PTCHD4: variants seen among roughly 807,000 people sequenced by gnomAD.
PTCHD4 encodes patched domain-containing protein 4.
Under a neutral mutation model 58.1 loss-of-function variants are expected in PTCHD4, and 33 were observed. The ratio of observed to expected loss-of-function variants is 0.57; its 90% CI spans 0.43 to 0.76. The LOEUF (loss-of-function observed/expected upper bound fraction) is 0.76. Ranked by LOEUF, PTCHD4 falls within the 30% of genes least tolerant of loss-of-function variation. PTCHD4 has a pLI of 0.00. For synonymous variants in PTCHD4, 478 were observed against 409.6 expected (o/e 1.17, Z -2.02); for missense variants, 1,058 against 1,027.1 (o/e 1.03, Z -0.41).
rs1763871288 is a variant in PTCHD4 at position 47,877,231 on chromosome 6, T to A, written c.*1072A>T. On this transcript the variant is annotated 3_prime_UTR_variant, in exon 5 of 5. Coordinates refer to ENST00000339488, the MANE Select transcript of PTCHD4 (RefSeq NM_001384253.1). ...TTTCTCCTATGTTAATTATCTATAT[T>A]CCATGACAGTTATTTTCCCTATCTA... is the stretch of plus-strand genomic sequence containing the variant. Among the ~76,000 whole-genome samples the A allele has an allele frequency of 6.6e-6, 1 of 152,000 alleles. No individual in the cohort carries two copies. Among genetic ancestry groups the A allele is most frequent in the South Asian group, 2.1e-4 (1 of 4,828 alleles).
intron 4 of PTCHD4, among the ~76,000 whole-genome samples, chr6:47,960,907 G>A (rs1049306617): frequency 1.4e-5 from 2 of 148,082 alleles, no homozygotes; most frequent in Non-Finnish European, 3.0e-5. Flanking sequence ...TCAGCAGGGT[G>A]ATAGATGACT....
chr6:48,016,126 G>A (rs967761616), intron 3 of PTCHD4, among the ~76,000 whole-genome samples: 3 of 151,880 alleles, frequency 2.0e-5, no homozygotes, highest in Non-Finnish European at 4.4e-5. Context: ...CCAAGCATGT[G>A]CAGGAAGCTA....
At chr6:48,059,883 C>T (rs922329819) in intron 3 of PTCHD4, among the ~76,000 whole-genome samples, 2 of 152,150 alleles carry the variant, frequency 1.3e-5, no homozygotes, top group African/African-American at 2.4e-5. Context: ...TAACCCACCC[C>T]TGTGTGTTAA....
At chr6:48,060,846 C>T (rs934242380) in intron 3 of PTCHD4, among the ~76,000 whole-genome samples, 7 of 152,148 alleles carry the variant, frequency 4.6e-5, no homozygotes, top group Admixed American at 1.3e-4. Context: ...AGGGGAGCTC[C>T]AGAAGAGAAC....
At chr6:47,960,964 A>T (rs1039210828) in intron 4 of PTCHD4, among the ~76,000 whole-genome samples, 101 of 142,978 alleles carry the variant, frequency 7.1e-4, no homozygotes, top group African/African-American at 2.4e-3. Context: ...TTTTTTTTTA[A>T]AAAAAAAAAA....
intron 1 of PTCHD4, among the ~76,000 whole-genome samples, chr6:48,098,654 T>C (rs1765529691): frequency 6.6e-6 from 1 of 152,132 alleles, no homozygotes; most frequent in Non-Finnish European, 1.5e-5. Context: ...TTCATGATTA[T>C]GAAATTGATG....
intron 4 of PTCHD4, among the ~76,000 whole-genome samples, chr6:47,905,954 C>T (rs1462392855): frequency 1.3e-5 from 2 of 152,226 alleles, no homozygotes; most frequent in African/African-American, 4.8e-5. Context: ...GACTCTATTG[C>T]TTGTTGCTTG....
intron 4 of PTCHD4, among the ~76,000 whole-genome samples, chr6:48,005,191 G>A (rs1239879583): frequency 6.6e-6 from 1 of 152,182 alleles, no homozygotes; most frequent in African/African-American, 2.4e-5. Context: ...AGGAGATGCA[G>A]TACAGAGGCA....
At chr6:47,882,535 T>C (rs1172213461) in intron 4 of PTCHD4, among the ~76,000 whole-genome samples, 1 of 151,898 alleles carries the variant, frequency 6.6e-6, no homozygotes, top group African/African-American at 2.4e-5. Context: ...AGTTCAAATG[T>C]ATTGCCTGCT....
Position 47,951,286 on chromosome 6 carries a change from A to C in PTCHD4, c.898+57348T>G, listed in dbSNP as rs527403642. Among the ~76,000 whole-genome samples, 7 of 152,214 alleles carry C rather than the reference A, an allele frequency of 4.6e-5. No homozygotes were observed. In the South Asian group the frequency reaches 1.5e-3, roughly 32 times the overall value. On this transcript the variant is annotated intron_variant, in intron 4 of 4. Transcript: ENST00000339488. ...GGTTAGTATATAGGGAGACTTTATCACTCCTAGCCCAAAGGGGCATTGGGA... is the reference window on the plus strand; with the variant it reads ...GGTTAGTATATAGGGAGACTTTATCCCTCCTAGCCCAAAGGGGCATTGGGA...
At chr6:47,910,932 G>C (rs1436784901) in intron 4 of PTCHD4, among the ~76,000 whole-genome samples, 1 of 152,094 alleles carries the variant, frequency 6.6e-6, no homozygotes, top group Non-Finnish European at 1.5e-5. Flanking sequence ...ACATACAGGA[G>C]AGAACAAAAT....
chr6:48,064,325 T>C (rs967163646), intron 3 of PTCHD4, among the ~76,000 whole-genome samples: 1 of 152,122 alleles, frequency 6.6e-6, no homozygotes, highest in Non-Finnish European at 1.5e-5. Context: ...AGTGAGGTTA[T>C]GTTGGCCTAC....
chr6:47,974,632 T>A (rs2113995616), intron 4 of PTCHD4, among the ~76,000 whole-genome samples: 1 of 152,334 alleles, frequency 6.6e-6, no homozygotes, highest in African/African-American at 2.4e-5. Flanking sequence ...CAGGCATTGC[T>A]AAATATCCCC....
intron 3 of PTCHD4, among the ~76,000 whole-genome samples, chr6:48,052,246 G>C (rs887941657): frequency 2.0e-5 from 3 of 151,958 alleles, no homozygotes; most frequent in Admixed American, 2.0e-4. Flanking sequence ...AAAAAGGGTA[G>C]GAGGTTGAGA....
chr6:47,867,688 A>G lies in PTCHD4; in HGVS notation c.*10615T>C, dbSNP rs1763607079. Among the ~76,000 whole-genome samples the G allele has an allele frequency of 6.6e-6, 1 of 151,624 alleles. No individual in the cohort carries two copies. The highest frequency in any genetic ancestry group is 6.6e-5 in the Admixed American group (1 of 15,178). ...TTTCACTTTTTCTCCCTGACTGTTG[A>G]GCCCATCCTCCATCTCTATCTATTA... On this transcript the variant is annotated 3_prime_UTR_variant, in exon 5 of 5. Transcript: ENST00000339488.
In PTCHD4 at chr6:47,876,584, G is replaced by A. The variant is rs1763854444; in HGVS notation, c.*1719C>T. Reference sequence around the variant, plus strand: ...TTTTTTCTGAACATAATTGAGTCAAGGAGTTTTGTTATTTTAGGTATTATT... The same window carrying A: ...TTTTTTCTGAACATAATTGAGTCAAAGAGTTTTGTTATTTTAGGTATTATT... On this transcript the variant is annotated 3_prime_UTR_variant, in exon 5 of 5. Transcript: ENST00000339488. 6.6e-6 allele frequency among the ~76,000 whole-genome samples: 1 copy of A among 151,940 alleles called. No homozygotes were observed. Among genetic ancestry groups the A allele is most frequent in the South Asian group, 2.1e-4 (1 of 4,828 alleles).
chr6:48,005,538 C>A (rs1294988865), intron 4 of PTCHD4, among the ~76,000 whole-genome samples: 1 of 152,112 alleles, frequency 6.6e-6, no homozygotes, highest in African/African-American at 2.4e-5. Context: ...GCAAACACAA[C>A]GTATTTATGC....
At chr6:47,996,990 G>A (rs2114050630) in intron 4 of PTCHD4, among the ~76,000 whole-genome samples, 1 of 152,300 alleles carries the variant, frequency 6.6e-6, no homozygotes, top group African/African-American at 2.4e-5. Flanking sequence ...CTTATTATTT[G>A]CCCCGCATTG....
At chr6:47,967,037 AG>A (rs1283331705) in intron 4 of PTCHD4, among the ~76,000 whole-genome samples, 1 of 152,200 alleles carries the variant, frequency 6.6e-6, no homozygotes, top group Non-Finnish European at 1.5e-5. Flanking sequence ...CCTTTCTAGA[AG>A]GTTTTCAATT....
Sources: gnomAD v4.1 joint callset for allele counts (sites outside exome capture counted in the v4.1 genomes callset) on GRCh38, gnomAD v4.1.1 for gene constraint, MANE v1.5 for transcripts, NCBI Gene and HGNC (gene_info 2026-07-23, HGNC 2026-07-21) for gene names.